CCDC110: variants seen among roughly 807,000 people sequenced by gnomAD.
CCDC110 encodes coiled-coil domain containing 110.
Under a neutral mutation model 77.1 loss-of-function variants are expected in CCDC110, and 70 were observed. That is an observed-to-expected ratio of 0.91 (90% confidence interval 0.75 to 1.11). CCDC110 has a LOEUF of 1.11. Ranked by LOEUF, CCDC110 falls within the 50% of genes least tolerant of loss-of-function variation. The pLI, the probability that CCDC110 is intolerant of heterozygous loss-of-function variation, is 0.00. For missense variants in CCDC110, 868 were observed against 942.9 expected (o/e 0.92, Z 1.04); for synonymous variants, 295 against 312.5 (o/e 0.94, Z 0.59).
chr4:185,464,528 C>A (rs1238228896), intron 2 of CCDC110, among the ~76,000 whole-genome samples: 1 of 152,128 alleles, frequency 6.6e-6, no homozygotes, highest in African/African-American at 2.4e-5. Flanking sequence ...AAATAAGGAA[C>A]TGAAGGAAGG....
At chr4:185,467,197 C>T (rs1009270814) in intron 2 of CCDC110, among the ~76,000 whole-genome samples, 1 of 152,192 alleles carries the variant, frequency 6.6e-6, no homozygotes, top group Admixed American at 6.5e-5. Flanking sequence ...CATGGTATGA[C>T]TCAAAAGTGA....
Position 185,458,646 on chromosome 4 carries a change from T to A in CCDC110, c.1941A>T (p.Thr647=), listed in dbSNP as rs779271763. Residue 647 remains threonine (T), a synonymous_variant, in exon 6 of 7, where the codon ACA becomes ACT. Coordinates refer to ENST00000307588, the MANE Select transcript of CCDC110 (RefSeq NM_152775.4). ...VKDEKLNLET[T]LQESTAARQI... ...GTCTGGCAGCAGTAGATTCTTGTAA[T>A]GTTGTTTCAAGGTTGAGTTTTTCAT... is the stretch of plus-strand genomic sequence containing the variant. 2 of 1,608,032 alleles carry A rather than the reference T, an allele frequency of 1.2e-6. No individual in the cohort carries two copies. Among genetic ancestry groups the A allele is most frequent in the Non-Finnish European group, 1.7e-6 (2 of 1,179,416 alleles).
intron 6 of CCDC110, among the ~76,000 whole-genome samples, chr4:185,451,827 TTAA>T (rs2095629701): frequency 6.6e-6 from 1 of 152,260 alleles, no homozygotes; most frequent in Non-Finnish European, 1.5e-5. Context: ...TTAATTTTTA[TTAA>T]TGTGCCTTTT....
Position 185,445,442 on chromosome 4 carries a change from A to T in CCDC110, c.*60T>A. ...TGAGTTAGATATGCATAGTTCAGTT[A>T]GCAGTACAATTAACATTGGCTATTT... On this transcript the variant is annotated 3_prime_UTR_variant, in exon 7 of 7. Transcript: ENST00000307588. The T allele has an allele frequency of 8.6e-7, 1 of 1,161,104 alleles. No individual in the cohort carries two copies. Among genetic ancestry groups the T allele is most frequent in the Non-Finnish European group, 1.3e-6 (1 of 787,038 alleles). 71.9% of individuals were successfully genotyped at this position (1,161,104 alleles called of 1,614,324 possible). A position where few individuals can be genotyped will look rare whatever the true frequency, so the allele number is the denominator to read the frequency against.
intron 2 of CCDC110, among the ~76,000 whole-genome samples, chr4:185,466,832 C>T (rs997099894): frequency 2.0e-5 from 3 of 152,030 alleles, no homozygotes; most frequent in South Asian, 2.1e-4. Flanking sequence ...GCAATAATTC[C>T]GGACAATGAG....
intron 2 of CCDC110, 110 bp downstream of exon 2, chr4:185,470,835 T>C: frequency 1.2e-6 from 1 of 811,598 alleles, no homozygotes; most frequent in Non-Finnish European, 2.2e-6. Flanking sequence ...TGGTGGCTGC[T>C]GTCCGTGTCA....
rs2095645551 is a variant in CCDC110 at position 185,461,111 on chromosome 4, C to G, written c.286G>C (p.Glu96Gln). 1.3e-6 allele frequency: 2 copies of G among 1,599,634 alleles called. No individual in the cohort carries two copies. The highest frequency in any genetic ancestry group is 1.3e-5 in the African/African-American group (1 of 74,104). Reference protein sequence around the residue: ...EILNKSIIEVENPQFSSEKNL... With the variant: ...EILNKSIIEVQNPQFSSEKNL... Reference sequence around the variant, plus strand: ...TTTTCTGAGCTAAATTGTGGGTTTTCTACTTCAATAATACTTTTGTTCAAT... The same window carrying G: ...TTTTCTGAGCTAAATTGTGGGTTTTGTACTTCAATAATACTTTTGTTCAAT... Residue 96 changes from glutamate to glutamine, a missense_variant, in exon 5 of 7, where the codon GAA (glutamate) becomes CAA (glutamine). Transcript: ENST00000307588.
intron 3 of CCDC110, 96 bp downstream of exon 3, chr4:185,462,898 G>T: frequency 1.8e-6 from 2 of 1,141,366 alleles, no homozygotes; most frequent in Non-Finnish European, 2.6e-6. Flanking sequence ...TGAGGATAAA[G>T]TGAGAGAACC....
In CCDC110 at chr4:185,465,927, T is replaced by G. The variant is rs140258962; in HGVS notation, c.116-2878A>C. Among the ~76,000 whole-genome samples, 48 of 152,268 alleles carry G rather than the reference T, an allele frequency of 3.2e-4. 1 individual carries two copies. In the East Asian group the frequency reaches 7.9e-3, roughly 25 times the overall value. ...ATGGATGAGGGATGATGTCATTTACTGGGGGAAAACAGTAGAGTAGGAACA... is the reference window on the plus strand; with the variant it reads ...ATGGATGAGGGATGATGTCATTTACGGGGGGAAAACAGTAGAGTAGGAACA... On this transcript the variant is annotated intron_variant, in intron 2 of 6. Transcript: ENST00000307588.
Position 185,459,141 on chromosome 4 carries a change from A to C in CCDC110, c.1446T>G (p.Asn482Lys), listed in dbSNP as rs36007437. ...GAATAGTACTCTTTTCTTCAACCAG[A>C]TTCTTAAGTTGCTTTTCATATGTTT... is the stretch of plus-strand genomic sequence containing the variant. ...KVETYEKQLK[N>K]LVEEKSTIQS... The change falls in exon 6 of 7, where the codon AAT becomes AAG. Residue 482 changes from asparagine to lysine, a missense_variant. Asn to Lys is a moderately conservative substitution (Grantham distance 94). Transcript: ENST00000307588. 8.1e-6 allele frequency: 13 copies of C among 1,596,798 alleles called. No individual in the cohort carries two copies. In the South Asian group the frequency reaches 1.4e-4, roughly 17 times the overall value.
intron 6 of CCDC110, chr4:185,457,278 C>A (rs767774903): frequency 2.2e-6 from 1 of 456,290 alleles, no homozygotes; most frequent in South Asian, 1.5e-5. Flanking sequence ...ACCTTGGAAG[C>A]TAGAGATTGT....
chr4:185,471,619 T>C, intron 1 of CCDC110, 55 bp downstream of exon 1: 1 of 1,544,416 alleles, frequency 6.5e-7, no homozygotes, highest in East Asian at 2.6e-5. Context: ...AATGCCCTTC[T>C]GCTGCCCTCC....
Position 185,460,050 on chromosome 4 carries a change from T to C in CCDC110, c.537A>G (p.Leu179=), listed in dbSNP as rs368320549. 4.9e-5 allele frequency: 79 copies of C among 1,613,712 alleles called. No individual in the cohort carries two copies. The highest frequency in any genetic ancestry group is 5.8e-5 in the Non-Finnish European group (68 of 1,179,860). Reference sequence around the variant, plus strand: ...AAGGGTGTATAATTATGTTTGAAGATAAATTGTCTGTTGAAGTTCTCAGAG... The same window carrying C: ...AAGGGTGTATAATTATGTTTGAAGACAAATTGTCTGTTGAAGTTCTCAGAG... ...TLTLRTSTDN[L]SSNIIIHPSE... Residue 179 remains leucine, a synonymous_variant, in exon 6 of 7, where the codon TTA becomes TTG. Transcript: ENST00000307588.
intron 2 of CCDC110, among the ~76,000 whole-genome samples, chr4:185,463,897 T>A (rs1397820630): frequency 1.3e-5 from 2 of 152,164 alleles, no homozygotes; most frequent in Non-Finnish European, 2.9e-5. Context: ...ACTGTTGTGT[T>A]TTGCTTGGCG....
intron 6 of CCDC110, among the ~76,000 whole-genome samples, chr4:185,449,363 A>C (rs1014325303): frequency 6.6e-6 from 1 of 152,130 alleles, no homozygotes; most frequent in African/African-American, 2.4e-5. Flanking sequence ...TCTACAAAAA[A>C]TATAAAAATT....
Position 185,459,314 on chromosome 4 carries a change from C to T in CCDC110, c.1273G>A (p.Val425Ile), listed in dbSNP as rs1385656286. The T allele has an allele frequency of 2.5e-6, 4 of 1,613,032 alleles. No individual in the cohort carries two copies. Among genetic ancestry groups the T allele is most frequent in the African/African-American group, 1.3e-5 (1 of 75,010 alleles). ...TTCTGTAAGTACTGAATTTTTGCAACACACTGCTCAGTAACGGAATTAACT... is the reference window on the plus strand; with the variant it reads ...TTCTGTAAGTACTGAATTTTTGCAATACACTGCTCAGTAACGGAATTAACT... ...SKVNSVTEQC[V>I]AKIQYLQNYL... Residue 425 changes from valine (V) to isoleucine (I), a missense_variant, in exon 6 of 7, where the codon GTT becomes ATT. By Grantham distance (29) the Val-to-Ile change is conservative. Coordinates refer to ENST00000307588, the MANE Select transcript of CCDC110 (RefSeq NM_152775.4).
intron 6 of CCDC110, among the ~76,000 whole-genome samples, chr4:185,450,226 T>C (rs2095626785): frequency 6.6e-6 from 1 of 152,202 alleles, no homozygotes; most frequent in African/African-American, 2.4e-5. Flanking sequence ...ATTTAGCCAA[T>C]GGCAGCCCCA....
intron 2 of CCDC110, among the ~76,000 whole-genome samples, chr4:185,466,425 A>G (rs2095656205): frequency 6.6e-6 from 1 of 152,126 alleles, no homozygotes; most frequent in Non-Finnish European, 1.5e-5. Flanking sequence ...GGCCATGCAG[A>G]AGGACATGCA....
chr4:185,452,286 T>C, intron 6 of CCDC110: 1 of 985,404 alleles, frequency 1.0e-6, no homozygotes, highest in Non-Finnish European at 1.2e-6. Flanking sequence ...GCATCCATCG[T>C]CAATGAGTAA....
Sources: allele counts gnomAD v4.1 joint callset (sites outside exome capture counted in the v4.1 genomes callset), GRCh38; gene constraint gnomAD v4.1.1; transcripts MANE v1.5; gene names NCBI Gene and HGNC (gene_info 2026-07-23, HGNC 2026-07-21).